INO80E: variants seen among roughly 807,000 people sequenced by gnomAD.
The protein encoded by INO80E is coiled-coil domain containing 95.
A neutral mutation model predicts 27.3 loss-of-function variants in INO80E; 20 were observed. The observed-to-expected ratio is 0.73, with a 90% CI of 0.51 to 1.06. INO80E has a LOEUF of 1.06. INO80E is among the 50% of genes least tolerant of loss of function. The pLI is 0.00. For missense variants in INO80E, 357 were observed against 322.8 expected (o/e 1.11, Z -0.81); for synonymous variants, 167 against 145.9 (o/e 1.14, Z -1.04).
rs776019265 is a variant in INO80E at position 29,996,387 on chromosome 16, T to A, written c.77T>A (p.Ile26Asn). 9 of 1,588,934 alleles carry A rather than the reference T, an allele frequency of 5.7e-6. No homozygotes were observed. Among genetic ancestry groups the A allele is most frequent in the Non-Finnish European group, 6.0e-6 (7 of 1,167,278 alleles). ...CTGAAGCGGAAGCTCAAGTTCCTCA[T>A]CTACGTGAGTGCTGCCGCGGGAAGG... is the stretch of plus-strand genomic sequence containing the variant. ...RNLKRKLKFL[I>N]YEHECFQEEL... The change falls in exon 1 of 7, where the codon ATC becomes AAC. Residue 26 changes from isoleucine to asparagine, a missense_variant. Coordinates refer to ENST00000563197, the MANE Select transcript of INO80E (RefSeq NM_173618.3).
intron 3 of INO80E, among the ~76,000 whole-genome samples, chr16:29,997,086 G>A (rs2070152066): frequency 6.6e-6 from 1 of 152,228 alleles, no homozygotes; most frequent in African/African-American, 2.4e-5. Flanking sequence ...GGCAGAGATA[G>A]GCAAAGCCCT....
At chr16:30,000,176 G>A (rs2070292681) in intron 3 of INO80E, among the ~76,000 whole-genome samples, 1 of 152,128 alleles carries the variant, frequency 6.6e-6, no homozygotes, top group South Asian at 2.1e-4. Flanking sequence ...TGATGACAAG[G>A]AGAGGTGGTG....
chr16:30,005,649 G>A lies in INO80E; in HGVS notation c.*207G>A. 3.4e-6 allele frequency: 2 copies of A among 590,182 alleles called. No individual in the cohort carries two copies. Among genetic ancestry groups the A allele is most frequent in the Non-Finnish European group, 5.9e-6 (2 of 339,478 alleles). The allele number at this position is 590,182 out of a possible 1,614,324, so 36.6% of individuals were successfully genotyped here. On this transcript the variant is annotated 3_prime_UTR_variant, in exon 7 of 7. Transcript: ENST00000563197. Reference sequence around the variant, plus strand: ...CTTCAAACCCCGGCCCCCTCCAGGGGACAGTTATTTAAACGAGTGGCCGGG... The same window carrying A: ...CTTCAAACCCCGGCCCCCTCCAGGGAACAGTTATTTAAACGAGTGGCCGGG...
intron 6 of INO80E, 156 bp downstream of exon 6, chr16:30,001,686 C>T (rs1168524091): frequency 1.4e-6 from 1 of 691,368 alleles, no homozygotes; most frequent in Non-Finnish European, 2.4e-6. Flanking sequence ...GAAGTCTCGG[C>T]TTACAGGCTT....
rs1228081387 is a variant in INO80E, at chr16:30,001,447, G to T, written c.430G>T (p.Asp144Tyr). The T allele has an allele frequency of 6.2e-7, 1 of 1,611,724 alleles. No homozygotes were observed. The part of the protein sequence containing the change: ...ASSRYPPFPS[D>Y]YLALQLPEPS... ...CTCCCGCTACCCCCCATTCCCTTCT[G>T]ACTACCTGGCCCTGCAGCTGCCCGA... The change falls in exon 6 of 7, where the codon GAC becomes TAC. Residue 144 changes from aspartate (D) to tyrosine (Y), a missense_variant. Asp to Tyr is a radical substitution (Grantham distance 160). Coordinates refer to ENST00000563197, the MANE Select transcript of INO80E (RefSeq NM_173618.3).
intron 3 of INO80E, among the ~76,000 whole-genome samples, chr16:29,998,018 T>A (rs975877704): frequency 2.6e-5 from 4 of 151,562 alleles, no homozygotes; most frequent in African/African-American, 9.7e-5. Flanking sequence ...AGGTCAAGGC[T>A]GCAGTGAGCC....
At position 30,005,699 on chromosome 16, in the gene INO80E, C is replaced by T. The variant is rs529303540; in HGVS notation, c.*257C>T. 5.5e-6 allele frequency: 3 copies of T among 545,460 alleles called. No individual in the cohort carries two copies. In the South Asian group the frequency reaches 7.2e-5, roughly 13 times the overall value. The allele number at this position is 545,460 out of a possible 1,614,324, so 33.8% of individuals were successfully genotyped here. ...GAGCATCTGCCACCTGCTGGGGAGG[C>T]AGAGACCCTGCAATGGCCACCTCTT... On this transcript the variant is annotated 3_prime_UTR_variant, in exon 7 of 7. Coordinates refer to ENST00000563197, the MANE Select transcript of INO80E (RefSeq NM_173618.3).
rs1367273689 is a variant in INO80E, at chr16:30,003,619, CTT to C, written c.514-1600_514-1599del. The C allele has an allele frequency of 6.6e-6, 1 of 152,272 alleles. No homozygotes were observed. Among genetic ancestry groups the C allele is most frequent in the Non-Finnish European group, 1.5e-5 (1 of 68,066 alleles). 9.4% of individuals were successfully genotyped at this position (152,272 alleles called of 1,614,324 possible). On this transcript the variant is annotated intron_variant, in intron 6 of 6. Transcript: ENST00000563197. This position sits in a 1 kb window ranked among gnomAD's most constrained non-coding sequence, Gnocchi z 4.4. ...GCGACCTCAGCGTTGTCATTTCACT[CTT>C]TAAGCCACAGCTCTCTTTCTCCATT... is the stretch of plus-strand genomic sequence containing the variant.
At chr16:30,001,895 C>T (rs567262276) in intron 6 of INO80E, 3 of 220,746 alleles carry the variant, frequency 1.4e-5, no homozygotes, top group African/African-American at 4.5e-5. Context: ...TTAGAAACCA[C>T]GTGGCCTTGA....
Position 30,001,051 on chromosome 16 carries a change from G to T in INO80E, c.396+11G>T. 3 of 1,536,654 alleles carry T rather than the reference G, an allele frequency of 2.0e-6. No homozygotes were observed. The highest frequency in any genetic ancestry group is 2.6e-6 in the Non-Finnish European group (3 of 1,140,036). The stretch of plus-strand genomic sequence containing the variant: ...CCATACCTGAGCTCGGTGAGTTGGG[G>T]TCAGGGATGGGAAGTGCTTGGGAGT... On this transcript the variant is annotated intron_variant, in intron 5 of 6. Transcript: ENST00000563197.
intron 1 of INO80E, 67 bp downstream of exon 1, chr16:29,996,458 G>C (rs780392521): frequency 1.9e-6 from 3 of 1,548,462 alleles, no homozygotes; most frequent in Admixed American, 2.0e-5. Context: ...AGTTTACCCA[G>C]GTGTAAAGTG....
At chr16:29,997,423 T>G (rs992529173) in intron 3 of INO80E, among the ~76,000 whole-genome samples, 3 of 150,028 alleles carry the variant, frequency 2.0e-5, no homozygotes, top group Non-Finnish European at 4.4e-5. Context: ...TGAAAAATTT[T>G]TCTTTAGTTT....
At chr16:30,004,576 C>T (rs1354532707) in intron 6 of INO80E, 2 of 154,542 alleles carry the variant, frequency 1.3e-5, no homozygotes, top group East Asian at 3.9e-4. Flanking sequence ...AGAGCGCGCG[C>T]TCTGGCTGCC....
chr16:30,005,449 C>T lies in INO80E; in HGVS notation c.*7C>T. 1 of 1,590,632 alleles carries T rather than the reference C, an allele frequency of 6.3e-7. No homozygotes were observed. The highest frequency in any genetic ancestry group is 1.1e-5 in the South Asian group (1 of 87,092). On this transcript the variant is annotated 3_prime_UTR_variant, in exon 7 of 7. Coordinates refer to ENST00000563197, the MANE Select transcript of INO80E (RefSeq NM_173618.3). ...GATCGACATCCCGGAGTGACCGTGACATCACGCCATGCCCACCACGGCCCC... is the reference window on the plus strand; with the variant it reads ...GATCGACATCCCGGAGTGACCGTGATATCACGCCATGCCCACCACGGCCCC...
Position 29,996,610 on chromosome 16 carries a change from G to T in INO80E, c.145G>T (p.Asp49Tyr). The T allele has an allele frequency of 6.3e-7, 1 of 1,580,218 alleles. No individual in the cohort carries two copies. The highest frequency in any genetic ancestry group is 8.6e-7 in the Non-Finnish European group (1 of 1,162,918). Residue 49 changes from aspartate to tyrosine, a missense_variant, in exon 2 of 7, where the codon GAC (aspartate) becomes TAC (tyrosine). Transcript: ENST00000563197. ...AAGGAAATTACTGAAGGTGTCCCGG[G>T]ACAAGAGGTGAGGCACGTTGCAGGG... The part of the protein sequence containing the change: ...AQRKLLKVSR[D>Y]KSFLLDRLLQ...
At position 30,001,050 on chromosome 16, in the gene INO80E, G is replaced by A. The variant is rs1381725729; in HGVS notation, c.396+10G>A. The A allele has an allele frequency of 6.5e-7, 1 of 1,536,888 alleles. No individual in the cohort carries two copies. Among genetic ancestry groups the A allele is most frequent in the Non-Finnish European group, 8.8e-7 (1 of 1,140,356 alleles). On this transcript the variant is annotated intron_variant, in intron 5 of 6. Transcript: ENST00000563197. ...CCCATACCTGAGCTCGGTGAGTTGGGGTCAGGGATGGGAAGTGCTTGGGAG... is the reference window on the plus strand; with the variant it reads ...CCCATACCTGAGCTCGGTGAGTTGGAGTCAGGGATGGGAAGTGCTTGGGAG...
intron 6 of INO80E, chr16:30,002,720 G>T (rs1567271200): frequency 6.6e-6 from 1 of 152,288 alleles, no homozygotes; most frequent in Non-Finnish European, 1.5e-5. Flanking sequence ...CCGCGGATGT[G>T]TCAGATGCCA....
At chr16:29,996,651 C>T in intron 2 of INO80E, 34 bp downstream of exon 2, 1 of 1,581,200 alleles carries the variant, frequency 6.3e-7, no homozygotes, top group Non-Finnish European at 8.6e-7. Flanking sequence ...GGGCGATGTG[C>T]TTCCTAGGAA....
intron 3 of INO80E, among the ~76,000 whole-genome samples, chr16:29,998,280 G>A (rs143578166): frequency 0.022 from 3,229 of 144,036 alleles, 129 homozygotes; most frequent in African/African-American, 0.078. Flanking sequence ...AACAGAGCCA[G>A]ACTCCATCTC....
Sources: gnomAD v4.1 joint callset for allele counts (sites outside exome capture counted in the v4.1 genomes callset) on GRCh38, gnomAD v4.1.1 for gene constraint, Gnocchi (gnomAD v3.1) non-coding constraint, MANE v1.5 for transcripts, NCBI Gene and HGNC (gene_info 2026-07-23, HGNC 2026-07-21) for gene names.